Variants in CIB4 observed in about 807,000 individuals in gnomAD.
CIB4 encodes calcium and integrin binding family member 4.
In CIB4, 25 loss-of-function variants were observed where a neutral mutation model predicts 25.8. That is an observed-to-expected ratio of 0.97 (90% confidence interval 0.71 to 1.35). The LOEUF is 1.35. CIB4 is among the 40% of genes most tolerant of loss of function. The probability of loss-of-function intolerance (pLI) is 0.00; values close to 1 mark genes in which losing one functional copy is unlikely to be tolerated. For missense variants in CIB4, 235 were observed against 228.2 expected, an observed-to-expected ratio of 1.03 and a Z score of -0.19; for synonymous variants, 75 against 81.4, an observed-to-expected ratio of 0.92 and a Z score of 0.42.
chr2:26,627,493 G>A lies in CIB4; in HGVS notation c.186+1917C>T, dbSNP rs777049555. 7.9e-5 allele frequency among the ~76,000 whole-genome samples: 12 copies of A among 152,132 alleles called. No homozygotes were observed. Among genetic ancestry groups the A allele is most frequent in the South Asian group, 2.1e-4 (1 of 4,830 alleles). On this transcript the variant is annotated intron_variant, in intron 3 of 6. Transcript: ENST00000288861. This position sits in a 1 kb window ranked among gnomAD's most constrained non-coding sequence, Gnocchi z 4.0. ...AGGGGAGGGCAGAAGCTTCCCATCA[G>A]CCCTGCCTGTCTGGCTGGCCCTGAC...
chr2:26,610,737 T>G (rs1459748968), intron 3 of CIB4, among the ~76,000 whole-genome samples: 3 of 152,320 alleles, frequency 2.0e-5, no homozygotes, highest in African/African-American at 7.2e-5. Flanking sequence ...GTCAGCCAAA[T>G]TCACATCTAT....
intron 3 of CIB4, among the ~76,000 whole-genome samples, chr2:26,598,884 C>T (rs894521374): frequency 6.6e-6 from 1 of 152,172 alleles, no homozygotes; most frequent in Admixed American, 6.5e-5. Context: ...GAGCTAAAGG[C>T]CAGCTCAGCC....
intron 2 of CIB4, among the ~76,000 whole-genome samples, chr2:26,635,395 T>C (rs143605571): frequency 5.3e-4 from 80 of 152,222 alleles, no homozygotes; most frequent in Middle Eastern, 3.2e-3. Context: ...TGGGAAAATA[T>C]TGGACAGAGC....
intron 4 of CIB4, among the ~76,000 whole-genome samples, chr2:26,588,896 G>T (rs1318892108): frequency 6.6e-6 from 1 of 152,076 alleles, no homozygotes; most frequent in Admixed American, 6.6e-5. Context: ...GTGTCTCTCA[G>T]AGCAGGACAT....
At chr2:26,608,337 A>G (rs1375808710) in intron 3 of CIB4, among the ~76,000 whole-genome samples, 1 of 151,990 alleles carries the variant, frequency 6.6e-6, no homozygotes, top group East Asian at 1.9e-4. Context: ...TCGCTCTGCA[A>G]TTGAGGCTAG....
At position 26,619,123 on chromosome 2, in the gene CIB4, C is replaced by T. The variant is rs78188188; in HGVS notation, c.186+10287G>A. On this transcript the variant is annotated intron_variant, in intron 3 of 6. Transcript: ENST00000288861. Reference sequence around the variant, plus strand: ...TATGGGGTGATGGATGAGAACCAGGCGTGGGAGCCTCTATTCACCAGGCAT... The same window carrying T: ...TATGGGGTGATGGATGAGAACCAGGTGTGGGAGCCTCTATTCACCAGGCAT... 1.7e-4 allele frequency among the ~76,000 whole-genome samples: 26 copies of T among 152,308 alleles called. No individual in the cohort carries two copies. In the East Asian group the frequency reaches 4.6e-3, roughly 27 times the overall value.
At chr2:26,639,764 C>T (rs1035123485) in intron 2 of CIB4, among the ~76,000 whole-genome samples, 1 of 152,058 alleles carries the variant, frequency 6.6e-6, no homozygotes, top group African/African-American at 2.4e-5. Context: ...GGAAATGTGG[C>T]TTCCGTGTGG....
At chr2:26,591,137 C>T (rs978000863) in intron 4 of CIB4, among the ~76,000 whole-genome samples, 5 of 152,236 alleles carry the variant, frequency 3.3e-5, no homozygotes, top group Non-Finnish European at 7.3e-5. Context: ...CCAGCCTACG[C>T]TCTACCGTCT....
chr2:26,584,416 G>T (rs1203065230), intron 4 of CIB4, among the ~76,000 whole-genome samples: 1 of 152,184 alleles, frequency 6.6e-6, no homozygotes, highest in Non-Finnish European at 1.5e-5. Context: ...CTGGATCCCA[G>T]TCCCTGCTCC....
chr2:26,597,691 G>A (rs998288177), intron 3 of CIB4, among the ~76,000 whole-genome samples: 1 of 152,104 alleles, frequency 6.6e-6, no homozygotes, highest in Non-Finnish European at 1.5e-5. Context: ...TAGTATAGTA[G>A]TAAATGTATA....
At chr2:26,608,239 C>CA (rs34295840) in intron 3 of CIB4, among the ~76,000 whole-genome samples, 14,593 of 123,336 alleles carry the variant, frequency 0.12, 893 homozygotes, top group African/African-American at 0.17. Flanking sequence ...GACTCTGTCT[C>CA]AAAAAAAAAA....
rs1669533680 is a variant in CIB4 at position 26,636,420 on chromosome 2, A to G, written c.89+4113T>C. ...CTTTCTGCAGAAATAAGTACCTCTC[A>G]ATATGGTATCTAGATAGATTCATTT... is the stretch of plus-strand genomic sequence containing the variant. On this transcript the variant is annotated intron_variant, in intron 2 of 6. Coordinates refer to ENST00000288861, the MANE Select transcript of CIB4 (RefSeq NM_001029881.3). 2.6e-5 allele frequency among the ~76,000 whole-genome samples: 4 copies of G among 152,128 alleles called. No homozygotes were observed. The South Asian group carries it at 8.3e-4, about 32-fold the overall frequency.
At chr2:26,597,189 A>G (rs778830919) in intron 3 of CIB4, among the ~76,000 whole-genome samples, 2 of 152,222 alleles carry the variant, frequency 1.3e-5, no homozygotes, top group Non-Finnish European at 2.9e-5. Context: ...ACCTGTTTGG[A>G]TATTGTCCAA....
chr2:26,589,142 C>T lies in CIB4; in HGVS notation c.329-5244G>A, dbSNP rs575042537. 5.2e-3 allele frequency among the ~76,000 whole-genome samples: 452 copies of T among 86,306 alleles called. 10 individuals are homozygous for T. Among genetic ancestry groups the T allele is most frequent in the African/African-American group, 7.5e-3 (156 of 20,698 alleles). The allele number at this position is 86,306 out of a possible 152,430, so 56.6% of individuals were successfully genotyped here. On this transcript the variant is annotated intron_variant, in intron 4 of 6. Coordinates refer to ENST00000288861, the MANE Select transcript of CIB4 (RefSeq NM_001029881.3). ...TTCTTCTTCTTCTTCTTCTTCTTCT[C>T]CTTCCCCTTCCCCTTCCCCTTCTCC...
Position 26,629,410 on chromosome 2 carries a change from C to T in CIB4, c.186G>A (p.Arg62=), listed in dbSNP as rs1443412795. 2 of 1,570,644 alleles carry T rather than the reference C, an allele frequency of 1.3e-6. No individual in the cohort carries two copies. The highest frequency in any genetic ancestry group is 2.3e-5 in the East Asian group (1 of 43,232). The change falls in exon 3 of 7, where the codon CGG becomes CGA. Residue 62 remains arginine (R), a splice_region_variant and synonymous_variant. Transcript: ENST00000288861. ...MDQVSSLPAL[R]VNPFRDRICR... The stretch of plus-strand genomic sequence containing the variant: ...GCCCCACCCACCATCCTGGACTCAC[C>T]CGCAGAGCTGGCAGGGAGCTGACCT...
intron 2 of CIB4, among the ~76,000 whole-genome samples, chr2:26,634,133 C>T (rs1040331234): frequency 6.6e-6 from 1 of 152,074 alleles, no homozygotes; most frequent in Non-Finnish European, 1.5e-5. Context: ...GGATAGAGCC[C>T]GAGGCACCTA....
intron 2 of CIB4, among the ~76,000 whole-genome samples, chr2:26,636,733 G>T (rs556026084): frequency 2.0e-5 from 3 of 152,068 alleles, no homozygotes; most frequent in Non-Finnish European, 4.4e-5. Flanking sequence ...TTGTTATCCT[G>T]CCCTGACTCT....
At chr2:26,632,968 G>T (rs1669452522) in intron 2 of CIB4, among the ~76,000 whole-genome samples, 1 of 151,988 alleles carries the variant, frequency 6.6e-6, no homozygotes, top group Non-Finnish European at 1.5e-5. Context: ...GTGAGCTCGG[G>T]CTCCTGCCCC....
At chr2:26,589,084 T>TTCTTCTTCTTCTTCTTCC (rs1558554982) in intron 4 of CIB4, among the ~76,000 whole-genome samples, 2 of 91,630 alleles carry the variant, frequency 2.2e-5, no homozygotes, top group African/African-American at 6.1e-5. Flanking sequence ...CTTCTTCTTC[T>TTCTTCTTCTTCTTCTTCC]TCTTCTTCTT....
Sources: gnomAD v4.1 joint callset for allele counts (sites outside exome capture counted in the v4.1 genomes callset) on GRCh38, gnomAD v4.1.1 for gene constraint, Gnocchi (gnomAD v3.1) non-coding constraint, MANE v1.5 for transcripts, NCBI Gene and HGNC (gene_info 2026-07-23, HGNC 2026-07-21) for gene names.